USF2: variants seen among roughly 807,000 people sequenced by gnomAD.
USF2 encodes upstream transcription factor 2, c-fos interacting, also known as upstream stimulatory factor 2.
Under a neutral mutation model 46.9 loss-of-function variants are expected in USF2, and 16 were observed. The observed-to-expected ratio is 0.34, with a 90% CI of 0.23 to 0.52. The LOEUF (loss-of-function observed/expected upper bound fraction) is 0.52. Among genes scored for constraint, USF2 ranks in the 20% least tolerant of loss-of-function variants. USF2 has a pLI of 0.96. For missense variants in USF2, 411 were observed against 474.0 expected, an observed-to-expected ratio of 0.87 and a Z score of 1.23; for synonymous variants, 239 against 194.1, an observed-to-expected ratio of 1.23 and a Z score of -1.92.
In USF2 at chr19:35,275,033, C is replaced by A. The variant is rs923100633; in HGVS notation, c.728-3665C>A. The A allele has an allele frequency of 5.9e-5, 9 of 152,188 alleles. 1 individual carries two copies. In the East Asian group the frequency reaches 1.7e-3, roughly 29 times the overall value. 9.4% of individuals were successfully genotyped at this position (152,188 alleles called of 1,614,324 possible). A position where few individuals can be genotyped will look rare whatever the true frequency, so the allele number is the denominator to read the frequency against. On this transcript the variant is annotated intron_variant, in intron 7 of 9. Coordinates refer to ENST00000222305, the MANE Select transcript of USF2 (RefSeq NM_003367.4). ...ATTTCTACTCTTAATGTTACTAATTCATGCTTCTACTCACTTGGTTTTTTG... is the reference window on the plus strand; with the variant it reads ...ATTTCTACTCTTAATGTTACTAATTAATGCTTCTACTCACTTGGTTTTTTG...
At chr19:35,276,069 C>CTTTTTTTTTTTT in intron 7 of USF2, among the ~76,000 whole-genome samples, 1 of 112,042 alleles carries the variant, frequency 8.9e-6, no homozygotes, top group Non-Finnish European at 1.7e-5. Flanking sequence ...TGAATTTTCT[C>CTTTTTTTTTTTT]TTTTTTTTTT....
In USF2 at chr19:35,269,715, C is replaced by G. The variant is rs753675576; in HGVS notation, c.228+16C>G. ...TGGAGGACAGGTGAGCGGCGGGCCG[C>G]GAGGGCGAACGGGCGGGCGGGCGGG... On this transcript the variant is annotated intron_variant, in intron 3 of 9. Coordinates refer to ENST00000222305, the MANE Select transcript of USF2 (RefSeq NM_003367.4). 1.3e-4 allele frequency: 43 copies of G among 332,466 alleles called. No individual in the cohort carries two copies. Among genetic ancestry groups the G allele is most frequent in the Non-Finnish European group, 1.8e-4 (42 of 234,822 alleles). The allele number at this position is 332,466 out of a possible 1,614,324, so 20.6% of individuals were successfully genotyped here.
rs536132426 is a variant in USF2 at position 35,276,230 on chromosome 19, C to T, written c.728-2468C>T. ...GGGATTATAGGCATGCACTGCTATG[C>T]CTGGCTAATTTTTGCATTTTTAGTA... On this transcript the variant is annotated intron_variant, in intron 7 of 9. Transcript: ENST00000222305. Among the ~76,000 whole-genome samples the T allele has an allele frequency of 1.3e-3, 199 of 152,160 alleles. 1 individual carries two copies. Among genetic ancestry groups the T allele is most frequent in the African/African-American group, 4.6e-3 (189 of 41,518 alleles).
intron 6 of USF2, 126 bp downstream of exon 6, chr19:35,270,931 C>T (rs1046326318): frequency 4.2e-6 from 6 of 1,432,170 alleles, no homozygotes; most frequent in African/African-American, 1.4e-5. Context: ...TTGCCTGTTT[C>T]TGCTGCTCTA....
At chr19:35,276,427 C>G (rs1386922568) in intron 7 of USF2, among the ~76,000 whole-genome samples, 1 of 152,132 alleles carries the variant, frequency 6.6e-6, no homozygotes, top group East Asian at 1.9e-4. Flanking sequence ...GGCCTTGGTC[C>G]TAATGGGTCT....
chr19:35,274,650 A>C (rs981421601), intron 7 of USF2, among the ~76,000 whole-genome samples: 1 of 152,236 alleles, frequency 6.6e-6, no homozygotes, highest in African/African-American at 2.4e-5. Flanking sequence ...AAAAAAATTA[A>C]AAATTAGCCA....
intron 7 of USF2, chr19:35,277,495 G>A (rs1007889082): frequency 1.3e-5 from 2 of 152,600 alleles, no homozygotes; most frequent in Non-Finnish European, 2.9e-5. Context: ...CCTTTTCAAG[G>A]GAACGGCAGG....
In USF2 at chr19:35,270,010, G is replaced by A; in HGVS notation, c.429+7G>A. On this transcript the variant is annotated splice_region_variant and intron_variant, in intron 4 of 9. Coordinates refer to ENST00000222305, the MANE Select transcript of USF2 (RefSeq NM_003367.4). Reference sequence around the variant, plus strand: ...TGCAGCGCCCTTCCCGCTGGTAGGTGCCCTGCCACCCCTGGGTGGGGGGGG... The same window carrying A: ...TGCAGCGCCCTTCCCGCTGGTAGGTACCCTGCCACCCCTGGGTGGGGGGGG... 7.4e-7 allele frequency: 1 copy of A among 1,344,926 alleles called. No homozygotes were observed. Among genetic ancestry groups the A allele is most frequent in the Non-Finnish European group, 9.5e-7 (1 of 1,054,976 alleles). 83.3% of individuals were successfully genotyped at this position (1,344,926 alleles called of 1,614,324 possible). A position where few individuals can be genotyped will look rare whatever the true frequency, so the allele number is the denominator to read the frequency against.
chr19:35,270,318 G>A (rs2066132489), intron 4 of USF2, 129 bp from the exon 5 acceptor site: 2 of 1,347,890 alleles, frequency 1.5e-6, no homozygotes, highest in South Asian at 2.9e-5. Flanking sequence ...AGGACAGAAT[G>A]CTACACGCAG....
rs894011364 is a variant in USF2 at position 35,271,784 on chromosome 19, G to A, written c.727+643G>A. 2.6e-5 allele frequency among the ~76,000 whole-genome samples: 4 copies of A among 152,246 alleles called. No homozygotes were observed. In the East Asian group the frequency reaches 5.8e-4, roughly 22 times the overall value. On this transcript the variant is annotated intron_variant, in intron 7 of 9. Coordinates refer to ENST00000222305, the MANE Select transcript of USF2 (RefSeq NM_003367.4). ...ATCATTCAACAAATATTTACTGCCC[G>A]TGGGTTCTGGGCTGAGCGGCACAGG...
intron 7 of USF2, chr19:35,275,418 T>C (rs1482984453): frequency 2.1e-5 from 3 of 139,928 alleles, no homozygotes; most frequent in Non-Finnish European, 3.1e-5. Flanking sequence ...CAACCCCAGC[T>C]TTTTAAGGTA....
chr19:35,271,687 C>T (rs566445210), intron 7 of USF2, among the ~76,000 whole-genome samples: 7 of 152,374 alleles, frequency 4.6e-5, no homozygotes, highest in South Asian at 2.1e-4. Flanking sequence ...TGTCCCGCCC[C>T]GCCTGTCAGT....
intron 7 of USF2, chr19:35,277,528 G>A (rs2066251305): frequency 6.6e-6 from 1 of 152,284 alleles, no homozygotes; most frequent in Non-Finnish European, 1.5e-5. Context: ...CCGATCTCGG[G>A]GTGTGAGGGT....
At chr19:35,270,931 C>G (rs1046326318) in intron 6 of USF2, 126 bp downstream of exon 6, 4 of 1,432,288 alleles carry the variant, frequency 2.8e-6, no homozygotes, top group African/African-American at 2.8e-5. Context: ...TTGCCTGTTT[C>G]TGCTGCTCTA....
At chr19:35,270,278 C>T in intron 4 of USF2, 169 bp from the exon 5 acceptor site, 2 of 1,078,328 alleles carry the variant, frequency 1.9e-6, no homozygotes, top group African/African-American at 3.2e-5. Context: ...TCGCTGACCT[C>T]CCGCCATGTT....
At chr19:35,270,028 G>A in intron 4 of USF2, 25 bp downstream of exon 4, 5 of 971,600 alleles carry the variant, frequency 5.1e-6, no homozygotes, top group Non-Finnish European at 3.9e-6. Context: ...ACCCCTGGGT[G>A]GGGGGGGGAG....
intron 7 of USF2, among the ~76,000 whole-genome samples, chr19:35,276,057 T>G (rs1308093932): frequency 6.7e-6 from 1 of 149,476 alleles, no homozygotes; most frequent in African/African-American, 2.5e-5. Flanking sequence ...AGGTTTCGCT[T>G]CTGAATTTTC....
Position 35,269,787 on chromosome 19 carries a change from C to T in USF2, c.229-16C>T. 3.4e-6 allele frequency: 5 copies of T among 1,490,976 alleles called. No individual in the cohort carries two copies. Among genetic ancestry groups the T allele is most frequent in the South Asian group, 2.6e-5 (2 of 77,332 alleles). The allele number at this position is 1,490,976 out of a possible 1,614,324, so 92.4% of individuals were successfully genotyped here. A position where few individuals can be genotyped will look rare whatever the true frequency, so the allele number is the denominator to read the frequency against. ...TGGCCCCAGCGCCGGCCTCGCCGCT[C>T]TGCCGCCCCCTGCAGGTGACATACC... On this transcript the variant is annotated splice_polypyrimidine_tract_variant and intron_variant, in intron 3 of 9. Coordinates refer to ENST00000222305, the MANE Select transcript of USF2 (RefSeq NM_003367.4).
chr19:35,272,115 A>G (rs544538476), intron 7 of USF2, among the ~76,000 whole-genome samples: 1 of 152,256 alleles, frequency 6.6e-6, no homozygotes, highest in East Asian at 1.9e-4. Context: ...TGTTCTGAGC[A>G]GCTCCTCCCT....
Sources: allele counts gnomAD v4.1 joint callset (sites outside exome capture counted in the v4.1 genomes callset), GRCh38; gene constraint gnomAD v4.1.1; transcripts MANE v1.5; gene names NCBI Gene and HGNC (gene_info 2026-07-23, HGNC 2026-07-21).